Variants in PPP1R9A observed in about 807,000 individuals in gnomAD.
PPP1R9A encodes neurabin-1.
A neutral mutation model predicts 141.9 loss-of-function variants in PPP1R9A; 59 were observed. That is an observed-to-expected ratio of 0.42 (90% CI 0.34 to 0.52). The LOEUF (loss-of-function observed/expected upper bound fraction) is 0.52, where lower values mean the gene tolerates loss of function less well. Among genes scored for constraint, PPP1R9A ranks in the 20% least tolerant of loss-of-function variants. The probability of loss-of-function intolerance (pLI) is 0.10; values close to 1 mark genes in which losing one functional copy is unlikely to be tolerated. For synonymous variants in PPP1R9A, 500 were observed against 569.7 expected, an observed-to-expected ratio of 0.88 and a Z score of 1.74; for missense variants, 1,444 against 1,611.9, an observed-to-expected ratio of 0.90 and a Z score of 1.78.
intron 2 of PPP1R9A, among the ~76,000 whole-genome samples, chr7:95,082,777 T>C (rs1164583949): frequency 2.0e-5 from 3 of 147,254 alleles, no homozygotes; most frequent in South Asian, 4.4e-4. Flanking sequence ...TTTTTTTTTT[T>C]TTTTTTTTTT....
intron 2 of PPP1R9A, among the ~76,000 whole-genome samples, chr7:95,042,372 G>T (rs967445346): frequency 1.3e-5 from 2 of 152,098 alleles, no homozygotes; most frequent in Non-Finnish European, 2.9e-5. Context: ...TGTTTTATTA[G>T]AAGAGTCAGA....
At position 95,055,321 on chromosome 7, in the gene PPP1R9A, A is replaced by T. The variant is rs548217818; in HGVS notation, c.1396-55938A>T. Among the ~76,000 whole-genome samples the T allele has an allele frequency of 3.5e-3, 531 of 152,188 alleles. 6 individuals carry two copies. The highest frequency in any genetic ancestry group is 0.012 in the African/African-American group (506 of 41,522). Reference sequence around the variant, plus strand: ...TCTAGTACTGAAGTTTTCTGTTGAGAACTCTAGTACTGAAGTTTTCTGTTG... The same window carrying T: ...TCTAGTACTGAAGTTTTCTGTTGAGTACTCTAGTACTGAAGTTTTCTGTTG... On this transcript the variant is annotated intron_variant, in intron 2 of 19. Transcript: ENST00000433360.
At chr7:95,206,479 A>T (rs1790823731) in intron 7 of PPP1R9A, among the ~76,000 whole-genome samples, 1 of 152,202 alleles carries the variant, frequency 6.6e-6, no homozygotes, top group African/African-American at 2.4e-5. Context: ...ATTTACATAC[A>T]ATAAATGCAC....
chr7:95,049,584 T>C (rs772333104), intron 2 of PPP1R9A, among the ~76,000 whole-genome samples: 22 of 152,204 alleles, frequency 1.4e-4, no homozygotes, highest in African/African-American at 5.1e-4. Context: ...CTGTTAGTGT[T>C]GTATTTTTCA....
intron 2 of PPP1R9A, among the ~76,000 whole-genome samples, chr7:95,028,744 A>G (rs915751595): frequency 6.6e-6 from 1 of 152,194 alleles, no homozygotes; most frequent in Admixed American, 6.5e-5. Flanking sequence ...TTTAATACAT[A>G]CAAACAAATT....
At chr7:95,003,359 G>T (rs1254282754) in intron 2 of PPP1R9A, among the ~76,000 whole-genome samples, 1 of 152,056 alleles carries the variant, frequency 6.6e-6, no homozygotes, top group African/African-American at 2.4e-5. Context: ...GGTTCTGTTA[G>T]TTGTTAGAAA....
In PPP1R9A at chr7:94,911,188, C is replaced by A; in HGVS notation, c.1075C>A (p.Gln359Lys). 6.2e-7 allele frequency: 1 copy of A among 1,614,184 alleles called. No individual in the cohort carries two copies. The highest frequency in any genetic ancestry group is 8.5e-7 in the Non-Finnish European group (1 of 1,180,036). The stretch of plus-strand genomic sequence containing the variant: ...TTTGGTTGGAAGGGAGGCAGCAAAG[C>A]AACAGAGGAAAGAACTTGCAGGTGG... ...ANLVGREAAK[Q>K]QRKELAGGDF... Residue 359 changes from glutamine to lysine, a missense_variant, in exon 2 of 20, where the codon CAA becomes AAA. Physicochemically the swap from Gln to Lys is moderately conservative, Grantham distance 53 (BLOSUM62 1). Around this residue, in one of 5 missense-constraint regions of PPP1R9A, gnomAD observed 490 missense variants for 521.1 expected, o/e 0.94. Coordinates refer to ENST00000433360, the MANE Select transcript of PPP1R9A (RefSeq NM_001166160.2).
intron 12 of PPP1R9A, among the ~76,000 whole-genome samples, chr7:95,262,254 A>G (rs535253204): frequency 1.3e-5 from 2 of 152,160 alleles, no homozygotes; most frequent in South Asian, 4.1e-4. Flanking sequence ...TATCCACATG[A>G]TGTCATAGTT....
At chr7:95,265,297 A>G (rs1411645282) in intron 12 of PPP1R9A, among the ~76,000 whole-genome samples, 1 of 152,182 alleles carries the variant, frequency 6.6e-6, no homozygotes, top group Non-Finnish European at 1.5e-5. Flanking sequence ...CAGAAGGAGA[A>G]TAGGCTTCTG....
At chr7:95,091,044 C>T (rs56174717) in intron 2 of PPP1R9A, among the ~76,000 whole-genome samples, 51,498 of 151,658 alleles carry the variant, frequency 0.34, 10,060 homozygotes, top group Non-Finnish European at 0.44. Flanking sequence ...CTTCTTTAAC[C>T]CTTCCTTTTT....
intron 2 of PPP1R9A, among the ~76,000 whole-genome samples, chr7:95,050,081 C>G (rs1207345226): frequency 6.6e-6 from 1 of 152,150 alleles, no homozygotes; most frequent in Non-Finnish European, 1.5e-5. Flanking sequence ...AATTGCCAAA[C>G]TGTCTTCCAA....
intron 5 of PPP1R9A, among the ~76,000 whole-genome samples, chr7:95,168,967 A>G (rs1365866151): frequency 6.6e-6 from 1 of 152,034 alleles, no homozygotes; most frequent in African/African-American, 2.4e-5. Context: ...ATTAGGGAAA[A>G]CAGTAAGGAG....
intron 8 of PPP1R9A, among the ~76,000 whole-genome samples, chr7:95,231,371 G>C (rs1340347383): frequency 6.6e-6 from 1 of 152,034 alleles, no homozygotes; most frequent in Non-Finnish European, 1.5e-5. Context: ...GAAACAATAG[G>C]CTTAAACTAT....
At chr7:95,202,601 A>C in intron 6 of PPP1R9A, 1 of 913,776 alleles carries the variant, frequency 1.1e-6, no homozygotes, top group Non-Finnish European at 1.3e-6. Flanking sequence ...TAAATCTCTC[A>C]GACAATCAGC....
chr7:95,211,701 A>G (rs966364155), intron 7 of PPP1R9A, among the ~76,000 whole-genome samples: 19 of 152,148 alleles, frequency 1.2e-4, no homozygotes, highest in African/African-American at 4.6e-4. Context: ...TTTGGGATAG[A>G]TAGGGTTAGG....
Position 95,273,901 on chromosome 7 carries a change from G to A in PPP1R9A, c.3127G>A (p.Asp1043Asn). 6.7e-7 allele frequency: 1 copy of A among 1,499,244 alleles called. No individual in the cohort carries two copies. Among genetic ancestry groups the A allele is most frequent in the African/African-American group, 1.4e-5 (1 of 72,736 alleles). 92.9% of individuals were successfully genotyped at this position (1,499,244 alleles called of 1,614,324 possible). A position where few individuals can be genotyped will look rare whatever the true frequency, so the allele number is the denominator to read the frequency against. Residue 1043 changes from aspartate (D) to asparagine (N), a missense_variant and splice_region_variant, in exon 15 of 20, where the codon GAT (aspartate) becomes AAT (asparagine). Around this residue, in one of 5 missense-constraint regions of PPP1R9A, gnomAD observed 459 missense variants for 513.8 expected, o/e 0.89. Coordinates refer to ENST00000433360, the MANE Select transcript of PPP1R9A (RefSeq NM_001166160.2). ...TNKKILREKD[D>N]AKDPKSLRAS... ...TTTCACAAATGTGTATATCCTAGAT[G>A]ATGCCAAAGATCCCAAATCACTAAG...
chr7:95,061,101 A>G (rs754850495), intron 2 of PPP1R9A, among the ~76,000 whole-genome samples: 2 of 152,196 alleles, frequency 1.3e-5, no homozygotes, highest in Non-Finnish European at 2.9e-5. Context: ...ACAGAATCCC[A>G]TAGTAACATG....
At chr7:95,206,049 C>A (rs182847868) in intron 7 of PPP1R9A, among the ~76,000 whole-genome samples, 1 of 152,102 alleles carries the variant, frequency 6.6e-6, no homozygotes, top group Non-Finnish European at 1.5e-5. Flanking sequence ...CAGTAACATG[C>A]CTTCTTTTTA....
intron 2 of PPP1R9A, among the ~76,000 whole-genome samples, chr7:94,953,475 G>GT (rs566408205): frequency 6.6e-6 from 1 of 152,208 alleles, no homozygotes; most frequent in East Asian, 1.9e-4. Flanking sequence ...ACTTAAAGTA[G>GT]TTTTTTCTAA....
Sources: gnomAD v4.1 joint callset for allele counts (sites outside exome capture counted in the v4.1 genomes callset) on GRCh38, gnomAD v4.1.1 for gene constraint, gnomAD v4.1.1 regional missense constraint, MANE v1.5 for transcripts, NCBI Gene and HGNC (gene_info 2026-07-23, HGNC 2026-07-21) for gene names.